NRG2: variants seen among roughly 807,000 people sequenced by gnomAD.
NRG2 encodes the protein pro-neuregulin-2, membrane-bound isoform.
In NRG2, 27 loss-of-function variants were observed where a neutral mutation model predicts 73.9. The ratio of observed to expected loss-of-function variants is 0.37; its 90% CI spans 0.27 to 0.50. NRG2 has a LOEUF of 0.50. Ranked by LOEUF, NRG2 falls within the 20% of genes least tolerant of loss-of-function variation. The pLI is 0.96. For missense variants in NRG2, 1,126 were observed against 1,210.1 expected, an observed-to-expected ratio of 0.93 and a Z score of 1.03; for synonymous variants, 532 against 541.0, an observed-to-expected ratio of 0.98 and a Z score of 0.23.
intron 1 of NRG2, among the ~76,000 whole-genome samples, chr5:139,929,535 GA>G (rs1424599771): frequency 1.3e-5 from 2 of 152,166 alleles, no homozygotes; most frequent in Non-Finnish European, 2.9e-5. Context: ...CAAGAGAATA[GA>G]AGAGATCAGG....
intron 1 of NRG2, among the ~76,000 whole-genome samples, chr5:140,012,183 T>C (rs1457018468): frequency 6.6e-6 from 1 of 151,898 alleles, no homozygotes; most frequent in Middle Eastern, 3.2e-3. Flanking sequence ...CTTTGACTTG[T>C]TCTTCAAAAT....
At chr5:139,990,205 T>C (rs1183154523) in intron 1 of NRG2, among the ~76,000 whole-genome samples, 1 of 152,218 alleles carries the variant, frequency 6.6e-6, no homozygotes, top group Non-Finnish European at 1.5e-5. Flanking sequence ...TTTCTGCATT[T>C]TGTGGTATGT....
intron 1 of NRG2, among the ~76,000 whole-genome samples, chr5:139,991,142 G>C (rs1056905581): frequency 6.6e-6 from 1 of 151,764 alleles, no homozygotes; most frequent in African/African-American, 2.4e-5. Flanking sequence ...GGCATGGTGT[G>C]GGGGGGTGCC....
At chr5:139,997,648 AATAG>A (rs1451124524) in intron 1 of NRG2, among the ~76,000 whole-genome samples, 1 of 152,242 alleles carries the variant, frequency 6.6e-6, no homozygotes, top group East Asian at 1.9e-4. Context: ...AAATAGCAGA[AATAG>A]ATAGAAACCA....
intron 1 of NRG2, among the ~76,000 whole-genome samples, chr5:140,010,025 C>T (rs1759230541): frequency 6.6e-6 from 1 of 152,132 alleles, no homozygotes; most frequent in Non-Finnish European, 1.5e-5. Context: ...AGGCCGGGCA[C>T]AGTGGCTCAC....
intron 1 of NRG2, among the ~76,000 whole-genome samples, chr5:139,970,214 A>G (rs1755864224): frequency 6.6e-6 from 1 of 152,254 alleles, no homozygotes; most frequent in African/African-American, 2.4e-5. Context: ...GGAGTAAAAC[A>G]TCAACCAAGA....
At chr5:139,911,126 A>C (rs1377820456) in intron 1 of NRG2, among the ~76,000 whole-genome samples, 1 of 152,032 alleles carries the variant, frequency 6.6e-6, no homozygotes. Context: ...AGAGGAAGTG[A>C]GAAGCTGGAG....
chr5:139,853,707 T>C lies in NRG2; in HGVS notation c.1293-680A>G, dbSNP rs985403181. 6.6e-6 allele frequency among the ~76,000 whole-genome samples: 1 copy of C among 152,142 alleles called. No individual in the cohort carries two copies. The highest frequency in any genetic ancestry group is 1.5e-5 in the Non-Finnish European group (1 of 68,024). ...ATTAAATCTAATCATGTCCCTCCCC[T>C]GTTTAAGACCCTTCATTGTGAACTC... On this transcript the variant is annotated intron_variant, in intron 6 of 9. Transcript: ENST00000361474. The surrounding 1 kb of genome is among the most constrained non-coding windows in gnomAD (Gnocchi z 4.1).
rs1761486018 is a variant in NRG2, at chr5:139,852,249, T to C, written c.1544+183A>G. On this transcript the variant is annotated intron_variant, in intron 8 of 9. Transcript: ENST00000361474. This position sits in a 1 kb window ranked among gnomAD's most constrained non-coding sequence, Gnocchi z 4.4. ...CCAGCCATGTTATTTTTGAGTTGTC[T>C]GAGCCTTTGTGCTGTGTGGACTGGC... Among the ~76,000 whole-genome samples the C allele has an allele frequency of 1.3e-5, 2 of 152,224 alleles. No individual in the cohort carries two copies. Among genetic ancestry groups the C allele is most frequent in the South Asian group, 4.1e-4 (2 of 4,834 alleles).
chr5:139,927,766 A>G (rs1752174457), intron 1 of NRG2, among the ~76,000 whole-genome samples: 1 of 73,056 alleles, frequency 1.4e-5, no homozygotes, highest in Non-Finnish European at 2.7e-5. Context: ...CCTTGTCTCA[A>G]AAAAAAAAAA....
At chr5:140,001,376 A>T (rs989577905) in intron 1 of NRG2, among the ~76,000 whole-genome samples, 1 of 152,192 alleles carries the variant, frequency 6.6e-6, no homozygotes, top group Non-Finnish European at 1.5e-5. Flanking sequence ...TCATTACCCT[A>T]ACCAAATTAT....
intron 1 of NRG2, among the ~76,000 whole-genome samples, chr5:140,036,092 G>T (rs764931203): frequency 6.6e-6 from 1 of 152,154 alleles, no homozygotes; most frequent in African/African-American, 2.4e-5. Context: ...GACAGGCTCC[G>T]GAAGTGTCAG....
intron 1 of NRG2, among the ~76,000 whole-genome samples, chr5:139,973,262 A>G (rs2126537735): frequency 6.6e-6 from 1 of 152,190 alleles, no homozygotes; most frequent in South Asian, 2.1e-4. Context: ...AAAATAAATT[A>G]TGGTTGTATT....
At chr5:140,014,587 A>G (rs997746181) in intron 1 of NRG2, among the ~76,000 whole-genome samples, 5 of 151,960 alleles carry the variant, frequency 3.3e-5, no homozygotes, top group Non-Finnish European at 7.4e-5. Context: ...TATTTTATCT[A>G]TCAGGAAGTC....
chr5:140,016,558 G>C (rs1269154253), intron 1 of NRG2, among the ~76,000 whole-genome samples: 2 of 152,228 alleles, frequency 1.3e-5, no homozygotes, highest in Admixed American at 1.3e-4. Context: ...GAATATGACA[G>C]AACAGTCTCT....
At position 139,848,586 on chromosome 5, in the gene NRG2, G is replaced by C; in HGVS notation, c.1884C>G (p.Ala628=). The change falls in exon 10 of 10, where the codon GCC becomes GCG. Residue 628 remains alanine (A), a synonymous_variant. Transcript: ENST00000361474. The part of the protein sequence containing the change: ...FEITSPNSAH[A]VSLPPAAPIS... ...TGGGCGCCGCCGGCGGCAGCGACAC[G>C]GCGTGCGCCGAGTTGGGGGACGTGA... The C allele has an allele frequency of 6.4e-7, 1 of 1,565,192 alleles. No homozygotes were observed. The highest frequency in any genetic ancestry group is 8.6e-7 in the Non-Finnish European group (1 of 1,166,240).
At chr5:139,919,070 CT>C in intron 1 of NRG2, among the ~76,000 whole-genome samples, 1 of 152,306 alleles carries the variant, frequency 6.6e-6, no homozygotes, top group African/African-American at 2.4e-5. Flanking sequence ...GCACAATATG[CT>C]TCTGAAATGA....
chr5:139,967,193 C>T (rs1279347425), intron 1 of NRG2, among the ~76,000 whole-genome samples: 1 of 152,138 alleles, frequency 6.6e-6, no homozygotes, highest in East Asian at 1.9e-4. Context: ...TCATGGGATT[C>T]AAGAAAGCTA....
chr5:140,015,642 G>T (rs1203842004), intron 1 of NRG2, among the ~76,000 whole-genome samples: 1 of 152,168 alleles, frequency 6.6e-6, no homozygotes, highest in Non-Finnish European at 1.5e-5. Context: ...CTCCCAGCCT[G>T]GAGCTTTCCA....
Sources: gnomAD v4.1 joint callset for allele counts (sites outside exome capture counted in the v4.1 genomes callset) on GRCh38, gnomAD v4.1.1 for gene constraint, Gnocchi (gnomAD v3.1) non-coding constraint, MANE v1.5 for transcripts, NCBI Gene and HGNC (gene_info 2026-07-23, HGNC 2026-07-21) for gene names.